The following TEX9 variants were observed in gnomAD, a reference collection of about 807,000 sequenced individuals.
TEX9 encodes the protein testis-expressed protein 9.
A neutral mutation model predicts 59.6 loss-of-function variants in TEX9; 74 were observed. The ratio of observed to expected loss-of-function variants is 1.24; its 90% confidence interval spans 1.03 to 1.51. The LOEUF (loss-of-function observed/expected upper bound fraction) is 1.51. Among genes scored for constraint, TEX9 ranks in the 40% most tolerant of loss-of-function variants. The probability of loss-of-function intolerance (pLI) is 0.00; values close to 1 mark genes in which losing one functional copy is unlikely to be tolerated. For missense variants in TEX9, 522 were observed against 447.8 expected, an observed-to-expected ratio of 1.17 and a Z score of -1.49; for synonymous variants, 186 against 152.2, an observed-to-expected ratio of 1.22 and a Z score of -1.64.
At chr15:56,445,231 C>T (rs973282200) in intron 12 of TEX9, among the ~76,000 whole-genome samples, 3 of 152,026 alleles carry the variant, frequency 2.0e-5, no homozygotes, top group African/African-American at 7.2e-5. Flanking sequence ...ATCACAGATG[C>T]TACTGTGCCT....
intron 12 of TEX9, chr15:56,429,709 C>T (rs1329897681): frequency 1.3e-5 from 2 of 152,126 alleles, no homozygotes; most frequent in African/African-American, 4.8e-5. Context: ...TTTTCCCCTA[C>T]AGTATACTGC....
At chr15:56,403,652 A>G (rs2048917405) in intron 9 of TEX9, among the ~76,000 whole-genome samples, 1 of 152,236 alleles carries the variant, frequency 6.6e-6, no homozygotes, top group Non-Finnish European at 1.5e-5. Context: ...ACGTGGAACC[A>G]AAAAAGAGCC....
At chr15:56,325,027 A>G (rs1250340538) in intron 1 of TEX9, among the ~76,000 whole-genome samples, 1 of 152,208 alleles carries the variant, frequency 6.6e-6, no homozygotes, top group Admixed American at 6.5e-5. Flanking sequence ...GAGCCTAATA[A>G]TCAGAAATAA....
Position 56,420,048 on chromosome 15 carries a change from C to T in TEX9, c.964-7557C>T, listed in dbSNP as rs190616206. Among the ~76,000 whole-genome samples, 284 of 151,428 alleles carry T rather than the reference C, an allele frequency of 1.9e-3. 1 individual carries two copies. The highest frequency in any genetic ancestry group is 0.013 in the South Asian group (62 of 4,818). On this transcript the variant is annotated intron_variant, in intron 10 of 12. Transcript: ENST00000352903. ...CATTTCGTTTATGTTGTCAAATTTA[C>T]TGGCATACAGTTTTTTACACTAGTT...
At chr15:56,348,946 C>A (rs541922940) in intron 1 of TEX9, among the ~76,000 whole-genome samples, 2 of 149,228 alleles carry the variant, frequency 1.3e-5, no homozygotes, top group Admixed American at 1.3e-4. Context: ...TTTTCTGGTT[C>A]AGATTGAATA....
intron 12 of TEX9, chr15:56,443,846 TG>T: frequency 6.3e-7 from 1 of 1,596,950 alleles, no homozygotes; most frequent in Non-Finnish European, 8.5e-7. Context: ...TAACTTTTGT[TG>T]TTTTTCCCTG....
intron 1 of TEX9, among the ~76,000 whole-genome samples, chr15:56,332,802 A>T (rs1321965221): frequency 1.3e-5 from 2 of 152,148 alleles, no homozygotes; most frequent in African/African-American, 4.8e-5. Context: ...AAGGGAGAAG[A>T]TCTAAATAAA....
intron 12 of TEX9, chr15:56,429,740 A>G (rs2050517740): frequency 1.3e-5 from 2 of 152,336 alleles, no homozygotes; most frequent in Admixed American, 1.3e-4. Context: ...TTAAAACAAA[A>G]TTAAATATTT....
At chr15:56,319,459 A>G (rs968320724) in intron 1 of TEX9, among the ~76,000 whole-genome samples, 1 of 152,048 alleles carries the variant, frequency 6.6e-6, no homozygotes, top group African/African-American at 2.4e-5. Flanking sequence ...CAGAACTTAG[A>G]GTACAGAGTA....
intron 3 of TEX9, among the ~76,000 whole-genome samples, chr15:56,377,450 T>C (rs1416932742): frequency 6.6e-6 from 1 of 152,122 alleles, no homozygotes; most frequent in Non-Finnish European, 1.5e-5. Context: ...TTATAGTTTT[T>C]GTTGTAGAGA....
chr15:56,412,077 A>G (rs949876545), intron 9 of TEX9, among the ~76,000 whole-genome samples: 4 of 152,144 alleles, frequency 2.6e-5, no homozygotes, highest in African/African-American at 7.2e-5. Context: ...AGCCCGGTTC[A>G]CAACTACATT....
Position 56,394,733 on chromosome 15 carries a change from A to G in TEX9, c.727A>G (p.Ile243Val), listed in dbSNP as rs145621344. The stretch of plus-strand genomic sequence containing the variant: ...AGATTTTATGAGACAGCAGCGAACA[A>G]TTAATATGCAACAGTCTCAAGTAGA... The change falls in exon 9 of 13, where the codon ATT becomes GTT. Residue 243 changes from isoleucine (I) to valine (V), a missense_variant. Transcript: ENST00000352903. The G allele has an allele frequency of 2.6e-5, 42 of 1,611,626 alleles. 1 individual carries two copies. In the African/African-American group the frequency reaches 4.8e-4, roughly 18 times the overall value.
chr15:56,439,682 A>C (rs1217427878), intron 12 of TEX9, among the ~76,000 whole-genome samples: 1 of 151,960 alleles, frequency 6.6e-6, no homozygotes, highest in African/African-American at 2.4e-5. Flanking sequence ...AACTGTATTT[A>C]AGTCTCATCG....
At chr15:56,293,144 G>T (rs1275631759) in intron 1 of TEX9, among the ~76,000 whole-genome samples, 1 of 151,950 alleles carries the variant, frequency 6.6e-6, no homozygotes, top group Non-Finnish European at 1.5e-5. Context: ...AAGCCAGTGT[G>T]GCCAAGATAG....
chr15:56,384,838 A>G (rs2047891293), intron 4 of TEX9, among the ~76,000 whole-genome samples: 1 of 152,172 alleles, frequency 6.6e-6, no homozygotes. Flanking sequence ...AGGCTGAAAC[A>G]CAATATCAAC....
chr15:56,293,579 C>A (rs2045148575), intron 1 of TEX9, among the ~76,000 whole-genome samples: 1 of 152,112 alleles, frequency 6.6e-6, no homozygotes, highest in African/African-American at 2.4e-5. Flanking sequence ...AGTTTGGCCA[C>A]CACATGGCCT....
intron 1 of TEX9, among the ~76,000 whole-genome samples, chr15:56,336,929 T>C (rs1338637469): frequency 2.0e-5 from 3 of 152,116 alleles, no homozygotes; most frequent in African/African-American, 7.2e-5. Context: ...CTGCAAGTGT[T>C]TGACACTCCC....
At chr15:56,304,642 T>C (rs1409159640) in intron 1 of TEX9, among the ~76,000 whole-genome samples, 1 of 152,186 alleles carries the variant, frequency 6.6e-6, no homozygotes, top group African/African-American at 2.4e-5. Flanking sequence ...TTTTAATACA[T>C]TGTTTAATTT....
chr15:56,383,835 T>C lies in TEX9; in HGVS notation c.184-117T>C, dbSNP rs570934430. ...TAGCATTTAGAATTCCGTGCCTTTA[T>C]GTTATGGAAACCTTGGACAATTCTG... On this transcript the variant is annotated intron_variant, in intron 3 of 12. Transcript: ENST00000352903. 8.1e-4 allele frequency: 539 copies of C among 666,260 alleles called. 2 individuals are homozygous for C. The highest frequency in any genetic ancestry group is 1.1e-3 in the Non-Finnish European group (459 of 399,390). The allele number at this position is 666,260 out of a possible 1,614,324, so 41.3% of individuals were successfully genotyped here. A position where few individuals can be genotyped will look rare whatever the true frequency, so the allele number is the denominator to read the frequency against.
Sources: gnomAD v4.1 joint callset for allele counts (sites outside exome capture counted in the v4.1 genomes callset) on GRCh38, gnomAD v4.1.1 for gene constraint, MANE v1.5 for transcripts, NCBI Gene and HGNC (gene_info 2026-07-23, HGNC 2026-07-21) for gene names.